Variants in CDH13 observed in about 807,000 individuals in gnomAD.
CDH13 encodes cadherin 13, also known as cadherin-13.
A neutral mutation model predicts 63.8 loss-of-function variants in CDH13; 24 were observed. That is an observed-to-expected ratio of 0.38 (90% CI 0.27 to 0.53). The LOEUF (loss-of-function observed/expected upper bound fraction) is 0.53. Ranked by LOEUF, CDH13 falls within the 20% of genes least tolerant of loss-of-function variation. CDH13 has a pLI of 0.85. For missense variants in CDH13, 1,049 were observed against 903.1 expected, an observed-to-expected ratio of 1.16 and a Z score of -2.07; for synonymous variants, 503 against 355.3, an observed-to-expected ratio of 1.42 and a Z score of -4.67.
intron 8 of CDH13, among the ~76,000 whole-genome samples, chr16:83,606,448 G>A (rs1908338854): frequency 6.6e-6 from 1 of 152,044 alleles, no homozygotes; most frequent in Non-Finnish European, 1.5e-5. Flanking sequence ...TAAAAGTTTG[G>A]AAGTGAAGGC....
intron 11 of CDH13, among the ~76,000 whole-genome samples, chr16:83,768,477 G>A (rs1914547930): frequency 6.6e-6 from 1 of 152,182 alleles, no homozygotes; most frequent in African/African-American, 2.4e-5. Flanking sequence ...TAGTGTTAAT[G>A]GAAAGGGGTC....
intron 6 of CDH13, among the ~76,000 whole-genome samples, chr16:83,380,013 T>A (rs775902272): frequency 6.7e-6 from 1 of 149,280 alleles, no homozygotes; most frequent in Non-Finnish European, 1.5e-5. Flanking sequence ...TTCCATATAA[T>A]ACAATTTTTA....
chr16:83,119,502 C>T (rs1027888631), intron 3 of CDH13, among the ~76,000 whole-genome samples: 1 of 152,212 alleles, frequency 6.6e-6, no homozygotes, highest in Non-Finnish European at 1.5e-5. Context: ...CACCAGAAGT[C>T]AAGAGATCTT....
At chr16:83,677,349 C>T (rs773143802) in intron 9 of CDH13, among the ~76,000 whole-genome samples, 1 of 152,184 alleles carries the variant, frequency 6.6e-6, no homozygotes, top group Non-Finnish European at 1.5e-5. Flanking sequence ...TAGAGTGGTC[C>T]TCATCAACGC....
intron 6 of CDH13, among the ~76,000 whole-genome samples, chr16:83,359,248 C>T (rs532893732): frequency 6.6e-6 from 1 of 152,212 alleles, no homozygotes; most frequent in East Asian, 1.9e-4. Context: ...GATTATGAGA[C>T]CTTAAACATG....
At chr16:83,315,805 G>A (rs2090093354) in intron 5 of CDH13, among the ~76,000 whole-genome samples, 1 of 152,078 alleles carries the variant, frequency 6.6e-6, no homozygotes. Context: ...GTGGGTGAAT[G>A]TTCTTTCAGT....
rs567916326 is a variant in CDH13 at position 82,670,961 on chromosome 16, A to G, written c.45+43824A>G. ...ATTTCCTATCATGGGTAATAGTAAC[A>G]ATATCAATAACACAATGATGATTAT... On this transcript the variant is annotated intron_variant, in intron 1 of 13. Coordinates refer to ENST00000567109, the MANE Select transcript of CDH13 (RefSeq NM_001257.5). Among the ~76,000 whole-genome samples, 389 of 152,330 alleles carry G rather than the reference A, an allele frequency of 2.6e-3. 3 individuals carry two copies. The highest frequency in any genetic ancestry group is 0.01 in the Middle Eastern group (3 of 294).
intron 2 of CDH13, among the ~76,000 whole-genome samples, chr16:83,026,308 A>C (rs8057717): frequency 0.23 from 34,441 of 152,182 alleles, 3,991 homozygotes; most frequent in South Asian, 0.29. Flanking sequence ...TAGAGGCAGA[A>C]TGAACAGATC....
intron 5 of CDH13, among the ~76,000 whole-genome samples, chr16:83,233,085 C>A (rs2040048844): frequency 6.6e-6 from 1 of 152,122 alleles, no homozygotes; most frequent in Admixed American, 6.6e-5. Flanking sequence ...AGCTTTAGGT[C>A]CCTTGAGATT....
intron 4 of CDH13, among the ~76,000 whole-genome samples, chr16:83,210,357 G>T (rs947775586): frequency 1.3e-5 from 2 of 152,048 alleles, no homozygotes; most frequent in African/African-American, 4.8e-5. Flanking sequence ...GAGCCACTGT[G>T]CCAGGCCGAT....
At chr16:83,550,128 G>A (rs1015719674) in intron 7 of CDH13, among the ~76,000 whole-genome samples, 8 of 152,220 alleles carry the variant, frequency 5.3e-5, no homozygotes, top group Non-Finnish European at 1.2e-4. Context: ...ACTGCAGGAT[G>A]CACTTTGCCA....
intron 1 of CDH13, among the ~76,000 whole-genome samples, chr16:82,740,956 C>T (rs1246721143): frequency 6.6e-6 from 1 of 152,046 alleles, no homozygotes; most frequent in Non-Finnish European, 1.5e-5. Context: ...GGGTTACCTC[C>T]TTCTCATGCC....
chr16:83,164,052 G>C (rs2037558148), intron 4 of CDH13, among the ~76,000 whole-genome samples: 1 of 151,954 alleles, frequency 6.6e-6, no homozygotes, highest in Admixed American at 6.6e-5. Flanking sequence ...GTTGTTATCT[G>C]TGTCTTACCC....
chr16:83,082,686 A>G (rs1356354940), intron 3 of CDH13, among the ~76,000 whole-genome samples: 1 of 152,104 alleles, frequency 6.6e-6, no homozygotes, highest in African/African-American at 2.4e-5. Context: ...GATCTCACTA[A>G]ACTGGAGCAA....
intron 5 of CDH13, among the ~76,000 whole-genome samples, chr16:83,298,912 T>C (rs2089665468): frequency 6.6e-6 from 1 of 152,360 alleles, no homozygotes; most frequent in South Asian, 2.1e-4. Context: ...CCTTGCTTTA[T>C]GTATTTTGCA....
chr16:83,753,924 A>C (rs1465169285), intron 11 of CDH13, among the ~76,000 whole-genome samples: 1 of 145,706 alleles, frequency 6.9e-6, no homozygotes, highest in Non-Finnish European at 1.5e-5. Context: ...AATACCAAAG[A>C]GGGAAAAGTC....
At chr16:82,861,119 A>G (rs1274498657) in intron 2 of CDH13, among the ~76,000 whole-genome samples, 1 of 152,224 alleles carries the variant, frequency 6.6e-6, no homozygotes, top group Non-Finnish European at 1.5e-5. Flanking sequence ...AAATGCATAG[A>G]TTCCATTTCC....
chr16:82,983,938 C>A (rs1244119962), intron 2 of CDH13, among the ~76,000 whole-genome samples: 2 of 152,170 alleles, frequency 1.3e-5, no homozygotes, highest in Admixed American at 6.5e-5. Context: ...TTCCTGAAGA[C>A]ACCTGACAGA....
At chr16:83,530,907 C>T (rs2151632525) in intron 7 of CDH13, among the ~76,000 whole-genome samples, 1 of 152,342 alleles carries the variant, frequency 6.6e-6, no homozygotes. Context: ...TGCATTCACA[C>T]AGACTGGATT....
Sources: gnomAD v4.1 joint callset for allele counts (sites outside exome capture counted in the v4.1 genomes callset) on GRCh38, gnomAD v4.1.1 for gene constraint, MANE v1.5 for transcripts, NCBI Gene and HGNC (gene_info 2026-07-23, HGNC 2026-07-21) for gene names.